GHR: variants seen among roughly 807,000 people sequenced by gnomAD.
The protein encoded by GHR is growth hormone receptor, also known as GH receptor.
In GHR, 35 loss-of-function variants were observed where a neutral mutation model predicts 67.1. The ratio of observed to expected loss-of-function variants is 0.52; its 90% confidence interval spans 0.40 to 0.69. GHR has a LOEUF of 0.69. Among genes scored for constraint, GHR ranks in the 30% least tolerant of loss-of-function variants. The probability of loss-of-function intolerance (pLI) is 0.00; values close to 1 mark genes in which losing one functional copy is unlikely to be tolerated. For missense variants in GHR, 792 were observed against 764.6 expected, an observed-to-expected ratio of 1.04 and a Z score of -0.42; for synonymous variants, 272 against 269.1, an observed-to-expected ratio of 1.01 and a Z score of -0.10.
chr5:42,577,642 T>C (rs1750827320), intron 2 of GHR, among the ~76,000 whole-genome samples: 1 of 152,232 alleles, frequency 6.6e-6, no homozygotes, highest in Non-Finnish European at 1.5e-5. Context: ...TAGTCCTCTT[T>C]AGCTGTTCTC....
intron 2 of GHR, among the ~76,000 whole-genome samples, chr5:42,596,264 G>T (rs948318171): frequency 1.3e-4 from 19 of 151,932 alleles, no homozygotes; most frequent in Middle Eastern, 3.4e-3. Context: ...GCTTCATAAT[G>T]TGTTAAATGG....
chr5:42,625,429 C>A (rs1004083157), intron 2 of GHR, among the ~76,000 whole-genome samples: 2 of 152,090 alleles, frequency 1.3e-5, no homozygotes, highest in Non-Finnish European at 2.9e-5. Context: ...GTGGTGTCAA[C>A]GAAAAGAGTC....
chr5:42,629,817 A>T (rs1753859709), intron 3 of GHR, among the ~76,000 whole-genome samples: 1 of 132,040 alleles, frequency 7.6e-6, no homozygotes, highest in Non-Finnish European at 1.6e-5. Context: ...AATTCTTTTT[A>T]AAATTATTTT....
chr5:42,583,571 CT>C (rs1347406104), intron 2 of GHR, among the ~76,000 whole-genome samples: 1 of 152,186 alleles, frequency 6.6e-6, no homozygotes, highest in African/African-American at 2.4e-5. Context: ...TGTCTACAGA[CT>C]ACAGCTATGC....
At chr5:42,457,430 T>C (rs1245105071) in intron 1 of GHR, among the ~76,000 whole-genome samples, 1 of 152,256 alleles carries the variant, frequency 6.6e-6, no homozygotes, top group African/African-American at 2.4e-5. Flanking sequence ...TCCACTTTAA[T>C]GTGCCAGCAG....
intron 1 of GHR, among the ~76,000 whole-genome samples, chr5:42,433,359 T>G (rs1239287431): frequency 6.6e-6 from 1 of 152,196 alleles, no homozygotes; most frequent in Admixed American, 6.5e-5. Context: ...TAAATAAGTT[T>G]TTTTTTAAAT....
chr5:42,651,133 G>T (rs1755000641), intron 3 of GHR, among the ~76,000 whole-genome samples: 1 of 152,152 alleles, frequency 6.6e-6, no homozygotes, highest in Non-Finnish European at 1.5e-5. Context: ...TGACAAGGCT[G>T]GAGCTACTCA....
chr5:42,596,259 A>G (rs1382045440), intron 2 of GHR, among the ~76,000 whole-genome samples: 1 of 152,156 alleles, frequency 6.6e-6, no homozygotes, highest in Non-Finnish European at 1.5e-5. Flanking sequence ...TAGGTGCTTC[A>G]TAATGTGTTA....
chr5:42,566,848 C>T (rs375501657), intron 2 of GHR, among the ~76,000 whole-genome samples: 56 of 152,242 alleles, frequency 3.7e-4, no homozygotes, highest in African/African-American at 1.3e-3. Context: ...GCAGACTTAG[C>T]GCCTTAAGAT....
At chr5:42,680,630 G>T (rs1213810779) in intron 3 of GHR, among the ~76,000 whole-genome samples, 1 of 151,760 alleles carries the variant, frequency 6.6e-6, no homozygotes, top group Non-Finnish European at 1.5e-5. Context: ...CAGCCTCTCT[G>T]AGTAGCTGGG....
intron 3 of GHR, among the ~76,000 whole-genome samples, chr5:42,671,240 A>T (rs1756278029): frequency 6.6e-6 from 1 of 152,168 alleles, no homozygotes; most frequent in Non-Finnish European, 1.5e-5. Flanking sequence ...TGAAATTTTT[A>T]TTCATGGCAG....
intron 4 of GHR, among the ~76,000 whole-genome samples, chr5:42,694,009 C>T (rs1757550329): frequency 6.6e-6 from 1 of 152,150 alleles, no homozygotes; most frequent in African/African-American, 2.4e-5. Flanking sequence ...ACCTCAATCC[C>T]TTTGACCTCT....
intron 2 of GHR, among the ~76,000 whole-genome samples, chr5:42,614,312 G>A (rs1176002608): frequency 2.0e-5 from 3 of 151,964 alleles, no homozygotes; most frequent in Non-Finnish European, 4.4e-5. Context: ...GGGTCCTTGA[G>A]AAATGCTAAG....
chr5:42,511,136 G>T (rs114742702), intron 1 of GHR, among the ~76,000 whole-genome samples: 1 of 152,154 alleles, frequency 6.6e-6, no homozygotes, highest in Non-Finnish European at 1.5e-5. Context: ...TGTGTCAGGT[G>T]AGCACCCACC....
intron 3 of GHR, among the ~76,000 whole-genome samples, chr5:42,638,645 TG>T (rs1361623112): frequency 6.6e-6 from 1 of 152,238 alleles, no homozygotes; most frequent in African/African-American, 2.4e-5. Context: ...TGTAATCGTA[TG>T]GGACGACTAT....
intron 3 of GHR, among the ~76,000 whole-genome samples, chr5:42,632,266 T>TC (rs1226112209): frequency 7.2e-5 from 11 of 152,082 alleles, no homozygotes; most frequent in African/African-American, 2.7e-4. Flanking sequence ...TCCCACCCCA[T>TC]CCTGGATTCT....
At chr5:42,560,653 T>C (rs572129458) in intron 1 of GHR, among the ~76,000 whole-genome samples, 1 of 152,282 alleles carries the variant, frequency 6.6e-6, no homozygotes, top group Middle Eastern at 3.4e-3. Context: ...TCTCTTACCT[T>C]CAGCTTCCCA....
At position 42,554,508 on chromosome 5, in the gene GHR, A is replaced by T. The variant is rs182872533; in HGVS notation, c.-11-11356A>T. ...TTATCAGATCTTGCAAAATAACTGT[A>T]TGAAGGTCTCTTCTCAGCAGCTTTG... On this transcript the variant is annotated intron_variant, in intron 1 of 9. Transcript: ENST00000230882. 2.0e-5 allele frequency among the ~76,000 whole-genome samples: 3 copies of T among 152,332 alleles called. No individual in the cohort carries two copies. The East Asian group carries it at 5.8e-4, about 29-fold the overall frequency.
At chr5:42,717,376 T>A (rs536967218) in intron 8 of GHR, among the ~76,000 whole-genome samples, 13 of 152,334 alleles carry the variant, frequency 8.5e-5, no homozygotes, top group African/African-American at 3.1e-4. Flanking sequence ...ACATGATTTA[T>A]TCATTTTTAT....
Sources: gnomAD v4.1 joint callset for allele counts (sites outside exome capture counted in the v4.1 genomes callset) on GRCh38, gnomAD v4.1.1 for gene constraint, MANE v1.5 for transcripts, NCBI Gene and HGNC (gene_info 2026-07-23, HGNC 2026-07-21) for gene names.